Variants in MEI1 observed in about 807,000 individuals in gnomAD.
MEI1 encodes the protein meiotic double-stranded break formation protein 1.
MEI1 carries 103 observed loss-of-function variants against 146.2 expected under a neutral mutation model. That is an observed-to-expected ratio of 0.70 (90% CI 0.60 to 0.83). MEI1 has a LOEUF of 0.83. MEI1 is among the 40% of genes least tolerant of loss of function. The probability of loss-of-function intolerance (pLI) is 0.00; values close to 1 mark genes in which losing one functional copy is unlikely to be tolerated. For missense variants in MEI1, 1,529 were observed against 1,533.0 expected (o/e 1.00, Z 0.04); for synonymous variants, 652 against 628.2 (o/e 1.04, Z -0.57).
At chr22:41,712,997 G>A (rs890747773) in intron 3 of MEI1, among the ~76,000 whole-genome samples, 4 of 151,802 alleles carry the variant, frequency 2.6e-5, no homozygotes, top group Non-Finnish European at 5.9e-5. Flanking sequence ...TTTTAGCAGA[G>A]ACGGGGTTTC....
intron 30 of MEI1, among the ~76,000 whole-genome samples, chr22:41,797,469 G>A (rs775853200): frequency 6.6e-5 from 10 of 152,088 alleles, no homozygotes; most frequent in South Asian, 2.1e-4. Flanking sequence ...AAAATTAGTC[G>A]GCTGTGGTGG....
intron 1 of MEI1, among the ~76,000 whole-genome samples, chr22:41,703,019 C>T (rs895814470): frequency 3.3e-5 from 5 of 152,180 alleles, no homozygotes; most frequent in African/African-American, 1.2e-4. Context: ...GGCCCGGCCT[C>T]TGTTTTTGCT....
intron 8 of MEI1, 41 bp from the exon 9 acceptor site, chr22:41,730,480 A>G (rs775039635): frequency 1.5e-6 from 2 of 1,374,226 alleles, no homozygotes; most frequent in Admixed American, 1.7e-5. Flanking sequence ...TCGTGATCAC[A>G]TGGCTGTCAT....
rs889392849 is a variant in MEI1 at position 41,781,811 on chromosome 22, C to A, written c.3053C>A (p.Ser1018Tyr). ...LLCSAWLLTA[S>Y]FSAQQHKGSL... Reference sequence around the variant, plus strand: ...TGCTCTGCCTGGCTGCTCACTGCCTCCTTCTCTGCCCAGCAGCACAAGGGC... The same window carrying A: ...TGCTCTGCCTGGCTGCTCACTGCCTACTTCTCTGCCCAGCAGCACAAGGGC... Residue 1018 changes from serine (S) to tyrosine (Y), a missense_variant, in exon 24 of 31, where the codon TCC (serine) becomes TAC (tyrosine). This residue lies in a region of MEI1 where 313 missense variants were observed against 337.3 expected (regional missense o/e 0.93). Coordinates refer to ENST00000401548, the MANE Select transcript of MEI1 (RefSeq NM_152513.4). 6.2e-7 allele frequency: 1 copy of A among 1,613,872 alleles called. No homozygotes were observed. Among genetic ancestry groups the A allele is most frequent in the African/African-American group, 1.3e-5 (1 of 74,942 alleles).
intron 20 of MEI1, among the ~76,000 whole-genome samples, chr22:41,771,551 T>C (rs979399269): frequency 6.6e-6 from 1 of 152,016 alleles, no homozygotes; most frequent in Non-Finnish European, 1.5e-5. Context: ...TTCTCCTGCC[T>C]CAGCCTCCCG....
intron 22 of MEI1, 107 bp downstream of exon 22, chr22:41,778,919 G>C: frequency 1.2e-6 from 1 of 804,514 alleles, no homozygotes; most frequent in Non-Finnish European, 2.0e-6. Context: ...TCATCCCTTT[G>C]GAAGAAGCTA....
chr22:41,744,741 G>T lies in MEI1; in HGVS notation c.1447-232G>T, dbSNP rs1177849052. ...TCTCGATCTCTTGACCTCGTGATCC[G>T]CCCGCCTCGGCCTCCCAAAGTGCTG... On this transcript the variant is annotated intron_variant, in intron 12 of 30. Transcript: ENST00000401548. Among the ~76,000 whole-genome samples, 2 of 39,856 alleles carry T rather than the reference G, an allele frequency of 5.0e-5. 1 individual carries two copies. The highest frequency in any genetic ancestry group is 9.6e-5 in the Non-Finnish European group (2 of 20,856). 26.1% of individuals were successfully genotyped at this position (39,856 alleles called of 152,430 possible). A position where few individuals can be genotyped will look rare whatever the true frequency, so the allele number is the denominator to read the frequency against.
At chr22:41,736,542 C>T (rs1049871750) in intron 11 of MEI1, among the ~76,000 whole-genome samples, 7 of 152,026 alleles carry the variant, frequency 4.6e-5, no homozygotes, top group Admixed American at 3.3e-4. Flanking sequence ...CGTGAGCTAC[C>T]GCGCCTGGCC....
In MEI1 at chr22:41,781,360, C is replaced by T; in HGVS notation, c.2892C>T (p.Ser964=). ...CCTCCTTCAACTTCCTGTATTGGAG[C>T]CTTCATCAGACCACACCCAGCAGTC... ...LQPSFNFLYW[S]LHQTTPSSQK... is the part of the protein sequence containing the mutation. Residue 964 remains serine (S), a synonymous_variant, in exon 23 of 31, where the codon AGC becomes AGT. Coordinates refer to ENST00000401548, the MANE Select transcript of MEI1 (RefSeq NM_152513.4). 6.2e-7 allele frequency: 1 copy of T among 1,613,538 alleles called. No homozygotes were observed. Among genetic ancestry groups the T allele is most frequent in the Non-Finnish European group, 8.5e-7 (1 of 1,179,756 alleles).
chr22:41,734,795 GC>G (rs1178889277), intron 11 of MEI1, among the ~76,000 whole-genome samples: 2 of 147,740 alleles, frequency 1.4e-5, no homozygotes, highest in African/African-American at 5.0e-5. Context: ...GTGCCACCAT[GC>G]CCAGCTAATT....
intron 7 of MEI1, among the ~76,000 whole-genome samples, chr22:41,729,164 C>CAAG (rs2071631160): frequency 1.3e-5 from 1 of 75,110 alleles, no homozygotes; most frequent in Non-Finnish European, 2.3e-5. Context: ...GACTCCGTCT[C>CAAG]AAAAAAAAAA....
chr22:41,714,170 G>A, intron 4 of MEI1, 95 bp downstream of exon 4: 1 of 1,224,782 alleles, frequency 8.2e-7, no homozygotes, highest in Non-Finnish European at 1.2e-6. Context: ...GAAGTCCAGG[G>A]AGGAAAAGGA....
chr22:41,747,736 C>CA (rs2073427958), intron 14 of MEI1, among the ~76,000 whole-genome samples: 1 of 133,194 alleles, frequency 7.5e-6, no homozygotes, highest in African/African-American at 2.9e-5. Context: ...CCCACCCCCC[C>CA]AAAAAAAACA....
In MEI1 at chr22:41,743,102, C is replaced by T. The variant is rs2073015774; in HGVS notation, c.1354C>T (p.Pro452Ser). 6.2e-7 allele frequency: 1 copy of T among 1,612,760 alleles called. No individual in the cohort carries two copies. The highest frequency in any genetic ancestry group is 1.3e-5 in the African/African-American group (1 of 74,904). The change falls in exon 12 of 31, where the codon CCT becomes TCT. Residue 452 changes from proline to serine, a missense_variant. Around this residue, in one of 3 missense-constraint regions of MEI1, gnomAD observed 1,212 missense variants for 1,178.9 expected, o/e 1.03. Transcript: ENST00000401548. ...FLRKDHQSTP[P>S]VQYGELQALL... ...CAGGAAGGACCATCAGAGCACTCCA[C>T]CTGTGCAGTATGGGGAACTGCAGGC... is the stretch of plus-strand genomic sequence containing the variant.
intron 24 of MEI1, among the ~76,000 whole-genome samples, chr22:41,783,305 T>G (rs913878031): frequency 5.9e-5 from 9 of 152,278 alleles, no homozygotes; most frequent in Admixed American, 5.9e-4. Flanking sequence ...GTTATTTTAT[T>G]TTTTCAGACA....
At chr22:41,767,544 C>T (rs1175502608) in intron 19 of MEI1, 2 of 455,752 alleles carry the variant, frequency 4.4e-6, no homozygotes, top group Non-Finnish European at 8.8e-6. Context: ...AGTGTCAGGC[C>T]TTACTTATGC....
intron 3 of MEI1, among the ~76,000 whole-genome samples, chr22:41,713,097 C>T (rs2069752310): frequency 6.6e-6 from 1 of 152,096 alleles, no homozygotes; most frequent in Non-Finnish European, 1.5e-5. Context: ...GCGTGAGCCA[C>T]CGCGCCCGGC....
intron 26 of MEI1, among the ~76,000 whole-genome samples, chr22:41,789,535 TG>T (rs2076102295): frequency 6.6e-6 from 1 of 152,170 alleles, no homozygotes; most frequent in Non-Finnish European, 1.5e-5. Flanking sequence ...TATGGGTCAG[TG>T]GCATTAAGTA....
intron 17 of MEI1, 85 bp from the exon 18 acceptor site, chr22:41,758,280 C>T: frequency 7.6e-7 from 1 of 1,321,062 alleles, no homozygotes; most frequent in Non-Finnish European, 1.1e-6. Context: ...CTGTGCAGTA[C>T]TCTGCATGTA....
Sources: gnomAD v4.1 joint callset for allele counts (sites outside exome capture counted in the v4.1 genomes callset) on GRCh38, gnomAD v4.1.1 for gene constraint, gnomAD v4.1.1 regional missense constraint, MANE v1.5 for transcripts, NCBI Gene and HGNC (gene_info 2026-07-23, HGNC 2026-07-21) for gene names.